PNPLA8: variants seen among roughly 807,000 people sequenced by gnomAD.
PNPLA8 encodes calcium-independent phospholipase A2-gamma.
A neutral mutation model predicts 76.9 loss-of-function variants in PNPLA8; 39 were observed. The ratio of observed to expected loss-of-function variants is 0.51; its 90% CI spans 0.39 to 0.66. PNPLA8 has a LOEUF of 0.66. Among genes scored for constraint, PNPLA8 ranks in the 30% least tolerant of loss-of-function variants. The pLI, the probability that PNPLA8 is intolerant of heterozygous loss-of-function variation, is 0.00. For missense variants in PNPLA8, 887 were observed against 918.0 expected (o/e 0.97, Z 0.44); for synonymous variants, 301 against 307.9 (o/e 0.98, Z 0.24).
At chr7:108,506,745 T>C (rs1328418496) in intron 4 of PNPLA8, among the ~76,000 whole-genome samples, 1 of 152,032 alleles carries the variant, frequency 6.6e-6, no homozygotes, top group Non-Finnish European at 1.5e-5. Context: ...ACACATGCTG[T>C]ATAATTCATA....
At chr7:108,505,341 TATATATATATA>T (rs1174454896) in intron 4 of PNPLA8, among the ~76,000 whole-genome samples, 34 of 10,026 alleles carry the variant, frequency 3.4e-3, no homozygotes, top group Admixed American at 4.7e-3. Context: ...TATATATATA[TATATATATATA>T]TTTTTTTTTT....
intron 10 of PNPLA8, among the ~76,000 whole-genome samples, chr7:108,477,502 AT>A (rs1314585250): frequency 2.6e-5 from 4 of 152,126 alleles, no homozygotes; most frequent in African/African-American, 4.8e-5. Context: ...AGTGGTAATA[AT>A]TTTTTTTAAT....
rs2154517279 is a variant in PNPLA8, at chr7:108,523,936, A to G, written c.-130+2093T>C. ...GGTAAAGAGAGGGAAGTGTTAAGAG[A>G]GCTCTAAGGTTTTAAATCTGAAAAA... On this transcript the variant is annotated intron_variant, in intron 1 of 10. Coordinates refer to ENST00000257694, the MANE Select transcript of PNPLA8 (RefSeq NM_001256007.3). Among the ~76,000 whole-genome samples the G allele has an allele frequency of 2.0e-5, 3 of 152,354 alleles. No individual in the cohort carries two copies. The South Asian group carries it at 6.2e-4, about 32-fold the overall frequency.
At chr7:108,520,899 T>TA in intron 2 of PNPLA8, among the ~76,000 whole-genome samples, 1 of 152,022 alleles carries the variant, frequency 6.6e-6, no homozygotes, top group South Asian at 2.1e-4. Flanking sequence ...TCTGGCAATT[T>TA]AAAAAATAAA....
Position 108,514,621 on chromosome 7 carries a change from G to GA in PNPLA8, c.870dup (p.Leu291SerfsTer26), listed in dbSNP as rs753758872. 9.9e-6 allele frequency: 16 copies of GA among 1,613,998 alleles called. No homozygotes were observed. Among genetic ancestry groups the GA allele is most frequent in the Non-Finnish European group, 1.4e-5 (16 of 1,179,896 alleles). On this transcript the variant is annotated frameshift_variant, in exon 3 of 11. Transcript: ENST00000257694. LOFTEE classifies it high-confidence loss of function. ...TGTACACCTTCCGTGGGACGAGAAA[G>GA]AAAGTTAGCAATACTTTGTTTAGTT...
upstream of PNPLA8, among the ~76,000 whole-genome samples, chr7:108,526,548 C>G (rs752659181): frequency 6.6e-6 from 1 of 152,250 alleles, no homozygotes; most frequent in Non-Finnish European, 1.5e-5. Flanking sequence ...CTCTCCGCGT[C>G]CCTGAAGCCC....
rs1196650854 is a variant in PNPLA8, at chr7:108,470,691, T to C, written c.*1710A>G. On this transcript the variant is annotated 3_prime_UTR_variant, in exon 11 of 11. Transcript: ENST00000257694. ...GTTCTTAGTTGCATGTTATTATGTA[T>C]TATTTGTGGTCTGAAAGAACTATAT... 2 of 152,222 alleles carry C rather than the reference T, an allele frequency of 1.3e-5. No individual in the cohort carries two copies. Among genetic ancestry groups the C allele is most frequent in the African/African-American group, 4.8e-5 (2 of 41,470 alleles). 9.4% of individuals were successfully genotyped at this position (152,222 alleles called of 1,614,324 possible). A position where few individuals can be genotyped will look rare whatever the true frequency, so the allele number is the denominator to read the frequency against.
chr7:108,499,269 C>T (rs1861778936), intron 5 of PNPLA8, among the ~76,000 whole-genome samples: 1 of 152,050 alleles, frequency 6.6e-6, no homozygotes, highest in East Asian at 1.9e-4. Context: ...TTTTCTCTCT[C>T]AGGTTTTTCT....
At chr7:108,481,652 AG>A (rs754294482) in intron 9 of PNPLA8, among the ~76,000 whole-genome samples, 165 of 152,278 alleles carry the variant, frequency 1.1e-3, no homozygotes, top group Middle Eastern at 3.4e-3. Context: ...TCTTCTTGGC[AG>A]TATATCTGCA....
At chr7:108,503,769 A>C (rs1862132445) in intron 4 of PNPLA8, among the ~76,000 whole-genome samples, 1 of 152,208 alleles carries the variant, frequency 6.6e-6, no homozygotes, top group South Asian at 2.1e-4. Flanking sequence ...AGGAAAAAGT[A>C]AAGGACCAAA....
intron 4 of PNPLA8, among the ~76,000 whole-genome samples, chr7:108,505,440 G>A (rs1371148769): frequency 2.3e-5 from 3 of 132,778 alleles, no homozygotes; most frequent in African/African-American, 2.9e-5. Flanking sequence ...TCAGCTCACC[G>A]CAACCTCCGC....
intron 9 of PNPLA8, chr7:108,480,698 C>G (rs1034773706): frequency 4.8e-6 from 2 of 416,540 alleles, no homozygotes; most frequent in Non-Finnish European, 9.9e-6. Context: ...TAATATGGTG[C>G]ATACAACCTT....
intron 2 of PNPLA8, among the ~76,000 whole-genome samples, chr7:108,518,781 T>G (rs1263937460): frequency 8.4e-6 from 1 of 118,740 alleles, no homozygotes; most frequent in Non-Finnish European, 1.8e-5. Flanking sequence ...ACACATATAT[T>G]AAGAAATTAA....
chr7:108,502,728 AC>A, intron 4 of PNPLA8, 86 bp from the exon 5 acceptor site: 1 of 870,824 alleles, frequency 1.1e-6, no homozygotes, highest in Non-Finnish European at 1.8e-6. Context: ...CATGCAGTTC[AC>A]CACATGACAA....
intron 2 of PNPLA8, among the ~76,000 whole-genome samples, chr7:108,516,764 T>A (rs1042461503): frequency 2.6e-5 from 4 of 152,100 alleles, no homozygotes; most frequent in Non-Finnish European, 5.9e-5. Context: ...TAGCTAGGCA[T>A]GGTGGTGCAC....
rs114115183 is a variant in PNPLA8, at chr7:108,490,387, G to A, written c.1683+1023C>T. ...GTACACTCTATAATACTTGCACAAT[G>A]ACAAAATAATCTAATGACACACTTC... On this transcript the variant is annotated intron_variant, in intron 8 of 10. Coordinates refer to ENST00000257694, the MANE Select transcript of PNPLA8 (RefSeq NM_001256007.3). Among the ~76,000 whole-genome samples the A allele has an allele frequency of 1.7e-3, 257 of 152,274 alleles. 2 individuals carry two copies. Among genetic ancestry groups the A allele is most frequent in the African/African-American group, 5.8e-3 (240 of 41,552 alleles).
At chr7:108,527,830 C>G (rs1864144951), upstream of PNPLA8, 1 of 152,130 alleles carries the variant, frequency 6.6e-6, no homozygotes, top group South Asian at 2.1e-4. Context: ...AGACAGGGGC[C>G]CAAGGATGAG....
intron 4 of PNPLA8, chr7:108,511,079 C>T (rs917678888): frequency 3.0e-6 from 2 of 673,182 alleles, no homozygotes; most frequent in East Asian, 2.8e-5. Context: ...TAACTAAATA[C>T]AAATAAATTA....
Position 108,473,719 on chromosome 7 carries a change from C to T in PNPLA8, c.2075-1044G>A, listed in dbSNP as rs1190513133. 4.6e-5 allele frequency among the ~76,000 whole-genome samples: 7 copies of T among 152,156 alleles called. No homozygotes were observed. The East Asian group carries it at 1.4e-3, about 29-fold the overall frequency. On this transcript the variant is annotated intron_variant, in intron 10 of 10. Coordinates refer to ENST00000257694, the MANE Select transcript of PNPLA8 (RefSeq NM_001256007.3). ...ATGAAGTGTCTGTTTAAATCTTTTG[C>T]CCAGTTTTTTCACTGAATTGCTGTG...
Sources: gnomAD v4.1 joint callset for allele counts (sites outside exome capture counted in the v4.1 genomes callset) on GRCh38, gnomAD v4.1.1 for gene constraint, MANE v1.5 for transcripts, NCBI Gene and HGNC (gene_info 2026-07-23, HGNC 2026-07-21) for gene names.